Variants in LIPK observed in about 807,000 individuals in gnomAD.
LIPK encodes lipase member K.
Under a neutral mutation model 48.6 loss-of-function variants are expected in LIPK, and 32 were observed. The ratio of observed to expected loss-of-function variants is 0.66; its 90% CI spans 0.50 to 0.88. The LOEUF is 0.88. Ranked by LOEUF, LIPK falls within the 40% of genes least tolerant of loss-of-function variation. The pLI, the probability that LIPK is intolerant of heterozygous loss-of-function variation, is 0.00. For synonymous variants in LIPK, 164 were observed against 157.4 expected, an observed-to-expected ratio of 1.04 and a Z score of -0.32; for missense variants, 507 against 478.5, an observed-to-expected ratio of 1.06 and a Z score of -0.56.
intron 3 of LIPK, chr10:88,728,207 G>A (rs1228305595): frequency 5.0e-6 from 1 of 201,510 alleles, no homozygotes; most frequent in African/African-American, 2.4e-5. Context: ...TGCAGTCCCA[G>A]ATCTCGGCCA....
At chr10:88,726,555 A>T (rs1842345475) in intron 2 of LIPK, among the ~76,000 whole-genome samples, 1 of 152,106 alleles carries the variant, frequency 6.6e-6, no homozygotes, top group South Asian at 2.1e-4. Context: ...GTAGCTGGCC[A>T]TTGGGACAGG....
At chr10:88,723,185 C>A (rs1039514986) in intron 1 of LIPK, among the ~76,000 whole-genome samples, 1 of 151,894 alleles carries the variant, frequency 6.6e-6, no homozygotes, top group African/African-American at 2.4e-5. Flanking sequence ...ATGCCCAGCC[C>A]AATATTTCCT....
intron 8 of LIPK, among the ~76,000 whole-genome samples, chr10:88,740,727 C>CTT (rs34229536): frequency 6.6e-6 from 1 of 151,910 alleles, no homozygotes; most frequent in Non-Finnish European, 1.5e-5. Flanking sequence ...GTCACAACGC[C>CTT]TTTTGAAAAG....
chr10:88,746,693 A>G (rs1842771621), intron 9 of LIPK, among the ~76,000 whole-genome samples: 2 of 152,206 alleles, frequency 1.3e-5, no homozygotes, highest in South Asian at 4.1e-4. Flanking sequence ...AGAACCTAAC[A>G]TCACACCTAG....
chr10:88,736,312 T>C (rs1370618761), intron 6 of LIPK, among the ~76,000 whole-genome samples: 1 of 152,222 alleles, frequency 6.6e-6, no homozygotes, highest in African/African-American at 2.4e-5. Context: ...ATAAGCCTTG[T>C]ACATATTATC....
chr10:88,729,097 G>A (rs376045), intron 3 of LIPK, among the ~76,000 whole-genome samples: 117,916 of 151,870 alleles, frequency 0.78, 46,784 homozygotes, highest in East Asian at 1. Flanking sequence ...CTTGCCTCCA[G>A]CTGAAAAAAC....
intron 9 of LIPK, among the ~76,000 whole-genome samples, chr10:88,750,129 T>C (rs572425507): frequency 2.8e-4 from 43 of 152,150 alleles, no homozygotes; most frequent in Non-Finnish European, 5.0e-4. Context: ...CCAGTCAGAA[T>C]GGCTATTATT....
Position 88,743,428 on chromosome 10 carries a change from C to T in LIPK, c.960+107C>T. On this transcript the variant is annotated intron_variant, in intron 9 of 9. Coordinates refer to ENST00000404190, the MANE Select transcript of LIPK (RefSeq NM_001080518.2). ...TTCCATTTAACCACACTGGATATTGCTTATTGCTGTTCTCACAGGCTGCTT... is the reference window on the plus strand; with the variant it reads ...TTCCATTTAACCACACTGGATATTGTTTATTGCTGTTCTCACAGGCTGCTT... 3 of 736,006 alleles carry T rather than the reference C, an allele frequency of 4.1e-6. 1 individual carries two copies. Among genetic ancestry groups the T allele is most frequent in the South Asian group, 1.7e-5 (1 of 58,060 alleles). The allele number at this position is 736,006 out of a possible 1,614,324, so 45.6% of individuals were successfully genotyped here.
chr10:88,736,308 C>T (rs1411065749), intron 6 of LIPK, among the ~76,000 whole-genome samples: 1 of 152,118 alleles, frequency 6.6e-6, no homozygotes, highest in African/African-American at 2.4e-5. Flanking sequence ...AATAATAAGC[C>T]TTGTACATAT....
At chr10:88,729,561 G>T (rs568958056) in intron 3 of LIPK, among the ~76,000 whole-genome samples, 1 of 152,232 alleles carries the variant, frequency 6.6e-6, no homozygotes, top group East Asian at 1.9e-4. Context: ...TCACGTAGCT[G>T]CCAAAATTCA....
At chr10:88,742,173 T>G (rs407922) in intron 8 of LIPK, among the ~76,000 whole-genome samples, 3 of 152,036 alleles carry the variant, frequency 2.0e-5, no homozygotes, top group Non-Finnish European at 2.9e-5. Context: ...TGATTCAGTC[T>G]CCTCCCACCA....
chr10:88,727,924 G>C, intron 3 of LIPK: 1 of 365,078 alleles, frequency 2.7e-6, no homozygotes, highest in Non-Finnish European at 5.4e-6. Flanking sequence ...AGACAGCTGG[G>C]AGAACGTGGA....
intron 1 of LIPK, among the ~76,000 whole-genome samples, chr10:88,719,107 A>C (rs940416539): frequency 6.6e-6 from 1 of 152,230 alleles, no homozygotes; most frequent in African/African-American, 2.4e-5. Context: ...CAAGACATAC[A>C]TCTGAAATAA....
chr10:88,738,719 A>G (rs1208312643), intron 7 of LIPK, among the ~76,000 whole-genome samples: 3 of 152,248 alleles, frequency 2.0e-5, no homozygotes, highest in African/African-American at 4.8e-5. Flanking sequence ...AGAGTTTGCT[A>G]AAGAAAGACA....
intron 1 of LIPK, among the ~76,000 whole-genome samples, chr10:88,722,755 C>A (rs1842252984): frequency 6.6e-6 from 1 of 152,276 alleles, no homozygotes; most frequent in South Asian, 2.1e-4. Context: ...AACCTGAGTT[C>A]AGATTCTGCC....
At chr10:88,726,081 C>T (rs555545451) in intron 2 of LIPK, among the ~76,000 whole-genome samples, 1 of 57,722 alleles carries the variant, frequency 1.7e-5, no homozygotes, top group Non-Finnish European at 2.7e-5. Context: ...GTAACTGCTT[C>T]CTCCCCTCTT....
chr10:88,732,157 G>A (rs747280824), intron 4 of LIPK, 21 bp from the exon 5 acceptor site: 3 of 1,477,636 alleles, frequency 2.0e-6, no homozygotes, highest in Non-Finnish European at 2.8e-6. Flanking sequence ...TTTCTAATTT[G>A]TTATTCCTTC....
At chr10:88,732,881 G>A (rs1255962550) in intron 6 of LIPK, among the ~76,000 whole-genome samples, 1 of 152,140 alleles carries the variant, frequency 6.6e-6, no homozygotes, top group Non-Finnish European at 1.5e-5. Context: ...TTTTTTAGGG[G>A]CAGTGGTGGT....
chr10:88,738,647 A>G (rs1349850954), intron 7 of LIPK, among the ~76,000 whole-genome samples: 1 of 152,244 alleles, frequency 6.6e-6, no homozygotes, highest in Non-Finnish European at 1.5e-5. Flanking sequence ...AGAGCTGAGT[A>G]AAAAGACCTT....
Sources: allele counts gnomAD v4.1 joint callset (sites outside exome capture counted in the v4.1 genomes callset), GRCh38; gene constraint gnomAD v4.1.1; transcripts MANE v1.5; gene names NCBI Gene and HGNC (gene_info 2026-07-23, HGNC 2026-07-21).